Variants in FOXN3 observed in about 807,000 individuals in gnomAD.
FOXN3 encodes forkhead box protein N3.
FOXN3 carries 7 observed loss-of-function variants against 38.4 expected under a neutral mutation model. The ratio of observed to expected loss-of-function variants is 0.18; its 90% CI spans 0.10 to 0.34. The LOEUF is 0.34. FOXN3 is among the 10% of genes least tolerant of loss of function. The pLI, the probability that FOXN3 is intolerant of heterozygous loss-of-function variation, is 1.00. For missense variants in FOXN3, 456 were observed against 613.4 expected, an observed-to-expected ratio of 0.74 and a Z score of 2.71; for synonymous variants, 230 against 242.2, an observed-to-expected ratio of 0.95 and a Z score of 0.47.
intron 4 of FOXN3, among the ~76,000 whole-genome samples, chr14:89,222,932 AT>A (rs375981976): frequency 3.3e-5 from 5 of 151,348 alleles, no homozygotes; most frequent in African/African-American, 4.9e-5. Context: ...TTTGGCCTCA[AT>A]TTTTTTTTCT....
chr14:89,564,709 C>G (rs913877847), intron 1 of FOXN3, among the ~76,000 whole-genome samples: 3 of 152,120 alleles, frequency 2.0e-5, no homozygotes, highest in African/African-American at 7.2e-5. Flanking sequence ...AGAATGTGAC[C>G]TTATTTTGGA....
chr14:89,358,418 G>T (rs910250952), intron 2 of FOXN3, among the ~76,000 whole-genome samples: 1 of 152,102 alleles, frequency 6.6e-6, no homozygotes, highest in Non-Finnish European at 1.5e-5. Context: ...GTGCTCCAAG[G>T]TCGAAAAGGA....
rs80272695 is a variant in FOXN3, at chr14:89,175,874, A to G, written c.851+4827T>C. 7.9e-3 allele frequency among the ~76,000 whole-genome samples: 1,205 copies of G among 152,108 alleles called. 12 individuals are homozygous for G. Among genetic ancestry groups the G allele is most frequent in the African/African-American group, 0.028 (1,148 of 41,488 alleles). On this transcript the variant is annotated intron_variant, in intron 5 of 5. Transcript: ENST00000557258. ...GATCCAGGGAGGTTGCTGTGACCCAACCCAGGGTGTGGGACAGCCCACGAT... is the reference window on the plus strand; with the variant it reads ...GATCCAGGGAGGTTGCTGTGACCCAGCCCAGGGTGTGGGACAGCCCACGAT...
chr14:89,179,457 T>C (rs1335483812), intron 5 of FOXN3, among the ~76,000 whole-genome samples: 2 of 152,182 alleles, frequency 1.3e-5, no homozygotes, highest in Non-Finnish European at 2.9e-5. Flanking sequence ...CAAAATGGCC[T>C]TCAGGTGCAA....
At chr14:89,321,445 A>G (rs975272834) in intron 3 of FOXN3, among the ~76,000 whole-genome samples, 3 of 151,954 alleles carry the variant, frequency 2.0e-5, no homozygotes, top group Admixed American at 2.0e-4. Context: ...GAGCGATGGT[A>G]GGCGCTTGTA....
intron 2 of FOXN3, among the ~76,000 whole-genome samples, chr14:89,391,815 G>C (rs982646830): frequency 6.6e-6 from 1 of 152,074 alleles, no homozygotes; most frequent in South Asian, 2.1e-4. Context: ...GACCAACCTG[G>C]GCAACATGGC....
At chr14:89,481,088 CTT>C (rs11444066) in intron 1 of FOXN3, among the ~76,000 whole-genome samples, 1 of 142,766 alleles carries the variant, frequency 7.0e-6, no homozygotes. Context: ...TGTGGTTAAG[CTT>C]TTTTTTTTTT....
At chr14:89,182,736 G>A (rs1323993096) in intron 4 of FOXN3, among the ~76,000 whole-genome samples, 2 of 152,272 alleles carry the variant, frequency 1.3e-5, no homozygotes, top group East Asian at 3.9e-4. Context: ...TTCCTATAAA[G>A]TTACAGGAAC....
At chr14:89,507,334 C>T (rs772389356) in intron 1 of FOXN3, among the ~76,000 whole-genome samples, 2 of 152,076 alleles carry the variant, frequency 1.3e-5, no homozygotes, top group Non-Finnish European at 2.9e-5. Context: ...TATCGAGTTG[C>T]CCCACCAATG....
chr14:89,609,590 T>C (rs1461642582), intron 1 of FOXN3, among the ~76,000 whole-genome samples: 2 of 152,194 alleles, frequency 1.3e-5, no homozygotes, highest in Non-Finnish European at 2.9e-5. Flanking sequence ...TTACAGAGTT[T>C]TATTTCCATA....
Position 89,548,814 on chromosome 14 carries a change from A to G in FOXN3, c.-15+70214T>C, listed in dbSNP as rs1450159761. On this transcript the variant is annotated intron_variant, in intron 1 of 6. Coordinates refer to the FOXN3 transcript ENST00000345097. This position sits in a 1 kb window ranked among gnomAD's most constrained non-coding sequence, Gnocchi z 4.8. Reference sequence around the variant, plus strand: ...TTTTCAAAATGAGAAATATCAGAACAAGGTATTCAGTTTTTTATAATGTGC... The same window carrying G: ...TTTTCAAAATGAGAAATATCAGAACGAGGTATTCAGTTTTTTATAATGTGC... 1.3e-5 allele frequency among the ~76,000 whole-genome samples: 2 copies of G among 152,164 alleles called. No individual in the cohort carries two copies. The highest frequency in any genetic ancestry group is 2.4e-5 in the African/African-American group (1 of 41,438).
intron 1 of FOXN3, among the ~76,000 whole-genome samples, chr14:89,585,396 GTTT>G (rs1408065894): frequency 3.3e-5 from 5 of 152,082 alleles, no homozygotes; most frequent in Non-Finnish European, 1.5e-5. Flanking sequence ...ATTTGTTGTT[GTTT>G]TTAATAAGAA....
At chr14:89,182,853 T>C (rs981699619) in intron 4 of FOXN3, among the ~76,000 whole-genome samples, 2 of 151,978 alleles carry the variant, frequency 1.3e-5, no homozygotes. Flanking sequence ...TTGACAAGGG[T>C]ACTGAGATAA....
intron 2 of FOXN3, among the ~76,000 whole-genome samples, chr14:89,393,658 C>A (rs1334275249): frequency 6.6e-6 from 1 of 152,118 alleles, no homozygotes; most frequent in East Asian, 1.9e-4. Context: ...ACACTTCACA[C>A]AGAGGGAAAA....
intron 1 of FOXN3, among the ~76,000 whole-genome samples, chr14:89,465,978 A>C (rs1471958389): frequency 1.3e-5 from 2 of 152,238 alleles, no homozygotes; most frequent in Non-Finnish European, 2.9e-5. Context: ...TCTCCATCTC[A>C]TTAGCTTTAT....
intron 1 of FOXN3, among the ~76,000 whole-genome samples, chr14:89,463,349 G>A (rs545754464): frequency 1.4e-4 from 22 of 152,024 alleles, no homozygotes; most frequent in Admixed American, 1.3e-4. Flanking sequence ...CAGACCCCTC[G>A]TGGTCCAATC....
At chr14:89,467,098 C>T (rs1335824538) in intron 1 of FOXN3, among the ~76,000 whole-genome samples, 1 of 152,168 alleles carries the variant, frequency 6.6e-6, no homozygotes, top group Non-Finnish European at 1.5e-5. Flanking sequence ...GGAGCCTGCC[C>T]GGGACTCCCA....
chr14:89,451,261 C>G (rs909522957), intron 1 of FOXN3, among the ~76,000 whole-genome samples: 2 of 152,144 alleles, frequency 1.3e-5, no homozygotes, highest in Admixed American at 1.3e-4. Flanking sequence ...GTAGCCGGGC[C>G]CCCTACCATC....
At chr14:89,191,948 G>GTATATATATATATATATATATATA (rs566312671) in intron 4 of FOXN3, among the ~76,000 whole-genome samples, 43 of 117,904 alleles carry the variant, frequency 3.6e-4, no homozygotes, top group African/African-American at 2.0e-3. Flanking sequence ...ACTGATATTA[G>GTATATATATATATATATATATATA]TATATATATA....
Sources: allele counts gnomAD v4.1 joint callset (sites outside exome capture counted in the v4.1 genomes callset), GRCh38; gene constraint gnomAD v4.1.1; non-coding constraint Gnocchi (gnomAD v3.1); transcripts MANE v1.5; gene names NCBI Gene and HGNC (gene_info 2026-07-23, HGNC 2026-07-21).